The following ST3GAL6 variants were observed in gnomAD, a reference collection of about 807,000 sequenced individuals.
ST3GAL6 encodes ST3 beta-galactoside alpha-2,3-sialyltransferase 6, also known as type 2 lactosamine alpha-2,3-sialyltransferase.
In ST3GAL6, 31 loss-of-function variants were observed where a neutral mutation model predicts 40.5. The ratio of observed to expected loss-of-function variants is 0.77; its 90% CI spans 0.58 to 1.03. The LOEUF (loss-of-function observed/expected upper bound fraction) is 1.03, where lower values mean the gene tolerates loss of function less well. Among genes scored for constraint, ST3GAL6 ranks in the 50% least tolerant of loss-of-function variants. ST3GAL6 has a pLI of 0.00. For missense variants in ST3GAL6, 357 were observed against 393.2 expected (o/e 0.91, Z 0.78); for synonymous variants, 129 against 136.9 (o/e 0.94, Z 0.40).
In ST3GAL6 at chr3:98,793,743, CAACTT is replaced by C. The variant is rs1941398923; in HGVS notation, c.979_983del (p.Asn327AspfsTer25). 6.2e-7 allele frequency: 1 copy of C among 1,600,336 alleles called. No homozygotes were observed. Among genetic ancestry groups the C allele is most frequent in the Non-Finnish European group, 8.5e-7 (1 of 1,173,250 alleles). ...ACATTATAGAAAAAAACCTCGTAAT[CAACTT>C]GACTCAAGATTGACTCTACAGACTC... On this transcript the variant is annotated frameshift_variant, in exon 10 of 10. Transcript: ENST00000483910. LOFTEE classifies it high-confidence loss of function.
chr3:98,740,225 CTTTTTTTTTTT>C (rs764868667), intron 1 of ST3GAL6, among the ~76,000 whole-genome samples: 2 of 122,180 alleles, frequency 1.6e-5, no homozygotes, highest in African/African-American at 6.2e-5. Context: ...TTGCAAAACA[CTTTTTTTTTTT>C]TTTTTTTTTT....
At chr3:98,771,014 C>A (rs1244462331) in intron 3 of ST3GAL6, 58 bp downstream of exon 3, 2 of 1,577,984 alleles carry the variant, frequency 1.3e-6, no homozygotes, top group Admixed American at 1.7e-5. Context: ...TGCTTGTAAT[C>A]ATTTTCCACA....
chr3:98,782,135 G>T (rs993368748), intron 5 of ST3GAL6: 3 of 659,520 alleles, frequency 4.5e-6, no homozygotes, highest in Non-Finnish European at 8.2e-6. Context: ...GATAAAGTTG[G>T]CTTTCTAGAA....
At chr3:98,752,133 G>A (rs897597253) in intron 1 of ST3GAL6, among the ~76,000 whole-genome samples, 1 of 152,178 alleles carries the variant, frequency 6.6e-6, no homozygotes, top group African/African-American at 2.4e-5. Flanking sequence ...CAGGAGAAAA[G>A]CATGCACATT....
At chr3:98,744,670 T>C (rs1936401214) in intron 1 of ST3GAL6, among the ~76,000 whole-genome samples, 1 of 152,142 alleles carries the variant, frequency 6.6e-6, no homozygotes, top group Non-Finnish European at 1.5e-5. Flanking sequence ...GTGTTCTTAT[T>C]CATCCTCCTA....
chr3:98,776,148 A>G (rs1939530112), intron 5 of ST3GAL6, among the ~76,000 whole-genome samples: 1 of 152,218 alleles, frequency 6.6e-6, no homozygotes, highest in Non-Finnish European at 1.5e-5. Flanking sequence ...AGAGGGGTTC[A>G]CATGTAGTAT....
intron 1 of ST3GAL6, among the ~76,000 whole-genome samples, chr3:98,748,118 A>G (rs112768788): frequency 8.5e-4 from 129 of 152,348 alleles, no homozygotes; most frequent in African/African-American, 3.1e-3. Flanking sequence ...TGTTAGGCAC[A>G]CCTAATATTT....
At chr3:98,752,524 C>T (rs1034217896) in intron 1 of ST3GAL6, among the ~76,000 whole-genome samples, 73 of 151,706 alleles carry the variant, frequency 4.8e-4, no homozygotes, top group South Asian at 1.5e-3. Context: ...CAGGCTGGAG[C>T]GCAGTGACGC....
chr3:98,735,774 G>A (rs1935491462), intron 1 of ST3GAL6, among the ~76,000 whole-genome samples: 1 of 152,040 alleles, frequency 6.6e-6, no homozygotes, highest in Admixed American at 6.6e-5. Flanking sequence ...GAGTGAGCTT[G>A]ATGCATGGAA....
intron 1 of ST3GAL6, among the ~76,000 whole-genome samples, chr3:98,743,000 C>CTTTTT (rs71120599): frequency 2.2e-5 from 2 of 89,488 alleles, no homozygotes; most frequent in Non-Finnish European, 4.2e-5. Context: ...ATGCCAGGCT[C>CTTTTT]TTTTTTTTTT....
At chr3:98,768,965 T>C (rs1938673696) in intron 2 of ST3GAL6, among the ~76,000 whole-genome samples, 1 of 152,226 alleles carries the variant, frequency 6.6e-6, no homozygotes. Context: ...CTGAAATAGC[T>C]TTGACTTGAA....
chr3:98,757,309 T>G (rs936634200), intron 1 of ST3GAL6, among the ~76,000 whole-genome samples: 4 of 152,320 alleles, frequency 2.6e-5, no homozygotes, highest in African/African-American at 9.6e-5. Flanking sequence ...CTCATAATGG[T>G]CTTGTGATTT....
chr3:98,788,084 G>A lies in ST3GAL6; in HGVS notation c.480G>A (p.Arg160=). ...VLGHEEEVGR[R]TTFRLFYPES... ...GACATGAAGAAGAAGTTGGGAGAAG[G>A]ACAACCTTCCGACTTTTTTATCCAG... Residue 160 remains arginine (R), a synonymous_variant, in exon 7 of 10, where the codon AGG becomes AGA. Coordinates refer to ENST00000483910, the MANE Select transcript of ST3GAL6 (RefSeq NM_001323368.2). The A allele has an allele frequency of 6.2e-7, 1 of 1,613,932 alleles. No homozygotes were observed. Among genetic ancestry groups the A allele is most frequent in the East Asian group, 2.2e-5 (1 of 44,854 alleles).
At chr3:98,783,117 A>T (rs552429031) in intron 5 of ST3GAL6, 1 of 196,644 alleles carries the variant, frequency 5.1e-6, no homozygotes, top group East Asian at 1.6e-4. Context: ...TTTCCATCAA[A>T]TCTACTGTGA....
intron 5 of ST3GAL6, among the ~76,000 whole-genome samples, chr3:98,779,681 T>TTAC (rs1201325226): frequency 3.9e-5 from 6 of 152,218 alleles, no homozygotes; most frequent in African/African-American, 1.2e-4. Context: ...GTGTAATCTC[T>TTAC]TACTACCACT....
At chr3:98,791,275 T>C (rs1372705305) in intron 8 of ST3GAL6, among the ~76,000 whole-genome samples, 2 of 152,218 alleles carry the variant, frequency 1.3e-5, no homozygotes, top group Non-Finnish European at 2.9e-5. Context: ...TATGTATGCA[T>C]TTGGAATATT....
At chr3:98,780,005 T>G (rs1939933886) in intron 5 of ST3GAL6, among the ~76,000 whole-genome samples, 1 of 152,214 alleles carries the variant, frequency 6.6e-6, no homozygotes, top group African/African-American at 2.4e-5. Context: ...ATGAAAGTTA[T>G]GTTAATTAAA....
At chr3:98,793,493 T>G (rs1941378771) in intron 9 of ST3GAL6, among the ~76,000 whole-genome samples, 182 bp from the exon 10 acceptor site, 3 of 152,160 alleles carry the variant, frequency 2.0e-5, no homozygotes, top group South Asian at 4.1e-4. Flanking sequence ...AGGGAAAGCT[T>G]TTGCACAAGA....
At chr3:98,785,833 A>T (rs828609) in intron 6 of ST3GAL6, among the ~76,000 whole-genome samples, 82,194 of 151,986 alleles carry the variant, frequency 0.54, 22,544 homozygotes, top group East Asian at 0.78. Context: ...GTATTCGGGT[A>T]TAATATGATG....
Sources: gnomAD v4.1 joint callset for allele counts (sites outside exome capture counted in the v4.1 genomes callset) on GRCh38, gnomAD v4.1.1 for gene constraint, MANE v1.5 for transcripts, NCBI Gene and HGNC (gene_info 2026-07-23, HGNC 2026-07-21) for gene names.